NTM: variants seen among roughly 807,000 people sequenced by gnomAD.
The protein encoded by NTM is IgLON family member 2.
NTM carries 13 observed loss-of-function variants against 42.1 expected under a neutral mutation model. The ratio of observed to expected loss-of-function variants is 0.31; its 90% CI spans 0.20 to 0.49. The LOEUF (loss-of-function observed/expected upper bound fraction) is 0.49. Ranked by LOEUF, NTM falls within the 20% of genes least tolerant of loss-of-function variation. The pLI is 0.99. For synonymous variants in NTM, 187 were observed against 179.2 expected (o/e 1.04, Z -0.35); for missense variants, 373 against 452.8 (o/e 0.82, Z 1.60).
intron 3 of NTM, among the ~76,000 whole-genome samples, chr11:132,202,735 A>G (rs1477660426): frequency 6.6e-6 from 1 of 152,194 alleles, no homozygotes; most frequent in African/African-American, 2.4e-5. Context: ...ATCAGGAATG[A>G]CTAAAACTCG....
chr11:132,077,346 G>A (rs2058497162), intron 2 of NTM, among the ~76,000 whole-genome samples: 1 of 152,178 alleles, frequency 6.6e-6, no homozygotes, highest in Non-Finnish European at 1.5e-5. Flanking sequence ...CTACTACTGT[G>A]TTTCCACTTA....
At chr11:131,479,553 C>T (rs986319787) in intron 1 of NTM, among the ~76,000 whole-genome samples, 2 of 152,178 alleles carry the variant, frequency 1.3e-5, no homozygotes, top group African/African-American at 4.8e-5. Context: ...AAATTTGGAA[C>T]TCCTCACCTT....
intron 1 of NTM, among the ~76,000 whole-genome samples, chr11:131,787,986 TC>T (rs2089549426): frequency 6.6e-6 from 1 of 152,222 alleles, no homozygotes; most frequent in Non-Finnish European, 1.5e-5. Flanking sequence ...TGTGATTGTT[TC>T]TTTTCTCTTT....
chr11:131,880,868 G>T (rs1385942068), intron 1 of NTM, among the ~76,000 whole-genome samples: 1 of 151,684 alleles, frequency 6.6e-6, no homozygotes, highest in East Asian at 1.9e-4. Context: ...TCTAAACTCT[G>T]ATAGGTGCTA....
rs557576718 is a variant in NTM at position 131,860,735 on chromosome 11, A to G, written c.83-50829A>G. ...CTAAGGGCAGCAGGTCCCAGGAAGT[A>G]CACTTTCACCACCCCCTGAATTCTT... On this transcript the variant is annotated intron_variant, in intron 1 of 8. Transcript: ENST00000683400. 6.4e-4 allele frequency among the ~76,000 whole-genome samples: 98 copies of G among 152,206 alleles called. 1 individual carries two copies. The highest frequency in any genetic ancestry group is 2.8e-4 in the Non-Finnish European group (19 of 68,036).
At chr11:131,902,853 T>G (rs1317671109) in intron 1 of NTM, among the ~76,000 whole-genome samples, 1 of 152,206 alleles carries the variant, frequency 6.6e-6, no homozygotes, top group Admixed American at 6.5e-5. Context: ...GCACTTAGCC[T>G]TTTATATACA....
At chr11:131,371,505 G>C (rs937229025) in intron 1 of NTM, among the ~76,000 whole-genome samples, 7 of 152,028 alleles carry the variant, frequency 4.6e-5, no homozygotes, top group Non-Finnish European at 8.8e-5. Flanking sequence ...AGCGAGGGGA[G>C]CCGGGGCTCT....
chr11:132,294,390 G>C (rs185879257), intron 4 of NTM, among the ~76,000 whole-genome samples: 2 of 152,034 alleles, frequency 1.3e-5, no homozygotes, highest in East Asian at 3.9e-4. Flanking sequence ...ACCATGGAAG[G>C]TGCCATTCAA....
At chr11:131,942,287 A>C (rs1457525305) in intron 2 of NTM, among the ~76,000 whole-genome samples, 1 of 152,222 alleles carries the variant, frequency 6.6e-6, no homozygotes, top group Non-Finnish European at 1.5e-5. Flanking sequence ...TGCAATGTCC[A>C]TGCATAGAGT....
At chr11:131,855,548 C>T (rs1201071995) in intron 1 of NTM, among the ~76,000 whole-genome samples, 1 of 152,110 alleles carries the variant, frequency 6.6e-6, no homozygotes, top group African/African-American at 2.4e-5. Flanking sequence ...CTTAAACTAC[C>T]ACATCATTTT....
intron 4 of NTM, among the ~76,000 whole-genome samples, chr11:132,231,820 A>G (rs1403203822): frequency 6.6e-6 from 1 of 152,062 alleles, no homozygotes; most frequent in African/African-American, 2.4e-5. Context: ...AGTGCTGTCC[A>G]CAGGCCTTGA....
chr11:131,615,958 G>A (rs922473880), intron 1 of NTM, among the ~76,000 whole-genome samples: 17 of 152,240 alleles, frequency 1.1e-4, no homozygotes, highest in East Asian at 1.9e-4. Flanking sequence ...TCCCAGAGCC[G>A]AATGTAAGAA....
At chr11:131,523,149 G>A (rs1231746868) in intron 1 of NTM, among the ~76,000 whole-genome samples, 3 of 152,174 alleles carry the variant, frequency 2.0e-5, no homozygotes, top group African/African-American at 7.2e-5. Flanking sequence ...CTGCTAAGTG[G>A]CCAGGGAGCA....
intron 2 of NTM, among the ~76,000 whole-genome samples, chr11:131,956,728 G>A (rs887780586): frequency 6.6e-6 from 1 of 150,470 alleles, no homozygotes; most frequent in African/African-American, 2.5e-5. Context: ...CTTCTAGCCA[G>A]GTAGCTTGCC....
chr11:131,382,242 A>G (rs574308427), intron 1 of NTM, among the ~76,000 whole-genome samples: 21 of 152,188 alleles, frequency 1.4e-4, no homozygotes, highest in East Asian at 7.8e-4. Context: ...TCCCTTCTTG[A>G]CTGGGAGACT....
At chr11:131,843,580 G>A (rs1162846046) in intron 1 of NTM, among the ~76,000 whole-genome samples, 1 of 152,192 alleles carries the variant, frequency 6.6e-6, no homozygotes, top group Non-Finnish European at 1.5e-5. Flanking sequence ...CATGTATGCA[G>A]CTTGTGCACA....
intron 2 of NTM, among the ~76,000 whole-genome samples, chr11:132,121,978 C>A (rs1373320488): frequency 6.6e-6 from 1 of 152,214 alleles, no homozygotes; most frequent in African/African-American, 2.4e-5. Context: ...GATCTAATCA[C>A]CTAGACACCA....
Position 131,581,714 on chromosome 11 carries a change from G to T in NTM, c.82+210826G>T, listed in dbSNP as rs1158753937. 2.0e-5 allele frequency among the ~76,000 whole-genome samples: 3 copies of T among 152,188 alleles called. No individual in the cohort carries two copies. The South Asian group carries it at 6.2e-4, about 32-fold the overall frequency. On this transcript the variant is annotated intron_variant, in intron 1 of 8. Transcript: ENST00000683400. ...ACACAAGTGACTCCGTTCTGGTTTTGGTCTGTTCTGCCTGGGCCCAGGGCA... is the reference window on the plus strand; with the variant it reads ...ACACAAGTGACTCCGTTCTGGTTTTTGTCTGTTCTGCCTGGGCCCAGGGCA...
chr11:132,245,556 C>T (rs2090993415), intron 4 of NTM, among the ~76,000 whole-genome samples: 1 of 152,048 alleles, frequency 6.6e-6, no homozygotes, highest in Non-Finnish European at 1.5e-5. Flanking sequence ...GGAGAGAGCA[C>T]GATGGAGGAG....
Sources: gnomAD v4.1 joint callset for allele counts (sites outside exome capture counted in the v4.1 genomes callset) on GRCh38, gnomAD v4.1.1 for gene constraint, MANE v1.5 for transcripts, NCBI Gene and HGNC (gene_info 2026-07-23, HGNC 2026-07-21) for gene names.